Variants in CCDC192 observed in about 807,000 individuals in gnomAD.
CCDC192 encodes coiled-coil domain containing 192.
intron 6 of CCDC192, among the ~76,000 whole-genome samples, chr5:127,927,937 C>CTTTTTTTTTT (rs1271788889): frequency 2.5e-5 from 3 of 117,716 alleles, no homozygotes; most frequent in Admixed American, 9.2e-5. Context: ...TCTTATAGTT[C>CTTTTTTTTTT]TTTTTTTTTT....
chr5:127,932,822 C>G (rs572263499), intron 6 of CCDC192, among the ~76,000 whole-genome samples: 14 of 152,048 alleles, frequency 9.2e-5, no homozygotes, highest in Non-Finnish European at 1.6e-4. Flanking sequence ...AAGATAAAAA[C>G]CAGATCTAGA....
At chr5:127,720,039 G>A (rs2673770) in intron 2 of CCDC192, among the ~76,000 whole-genome samples, 3 of 151,974 alleles carry the variant, frequency 2.0e-5, no homozygotes, top group Non-Finnish European at 2.9e-5. Context: ...CTCCCAAATC[G>A]CACGTCCTTC....
At chr5:127,743,103 A>G (rs1220765239) in intron 2 of CCDC192, among the ~76,000 whole-genome samples, 2 of 152,070 alleles carry the variant, frequency 1.3e-5, no homozygotes, top group African/African-American at 4.8e-5. Flanking sequence ...AGACAGGAGA[A>G]GAGGGGATGA....
At chr5:127,837,881 A>C (rs409546) in intron 5 of CCDC192, among the ~76,000 whole-genome samples, 1 of 152,130 alleles carries the variant, frequency 6.6e-6, no homozygotes, top group African/African-American at 2.4e-5. Context: ...CCAGCTACTC[A>C]GGAGGCTGAG....
At chr5:127,749,994 T>C (rs555147251) in intron 2 of CCDC192, among the ~76,000 whole-genome samples, 1 of 152,012 alleles carries the variant, frequency 6.6e-6, no homozygotes, top group East Asian at 1.9e-4. Context: ...TCTATTTGAT[T>C]CTTCTCTCTT....
At chr5:127,825,046 C>G (rs945628427) in intron 5 of CCDC192, among the ~76,000 whole-genome samples, 3 of 152,234 alleles carry the variant, frequency 2.0e-5, no homozygotes, top group African/African-American at 7.2e-5. Context: ...AACATTTTGA[C>G]CAGATTTTGA....
At chr5:127,877,355 A>T (rs7729769) in intron 6 of CCDC192, among the ~76,000 whole-genome samples, 28 of 32,146 alleles carry the variant, frequency 8.7e-4, no homozygotes, top group African/African-American at 1.5e-3. Flanking sequence ...ATTTTTGTGG[A>T]TTTTTTTTTT....
intron 2 of CCDC192, among the ~76,000 whole-genome samples, chr5:127,713,584 G>A (rs907662361): frequency 2.0e-5 from 3 of 152,044 alleles, no homozygotes; most frequent in Admixed American, 6.6e-5. Context: ...TTATCAATTT[G>A]TATTTTCATG....
Position 127,786,837 on chromosome 5 carries a change from G to A in CCDC192, c.223-10266G>A, listed in dbSNP as rs1307430891. On this transcript the variant is annotated intron_variant, in intron 3 of 6. Coordinates refer to ENST00000514853, the MANE Select transcript of CCDC192 (RefSeq NM_001317938.2). ...TTCAGGTGTCTGCCCCTTTTTTGATGTAGAAACTCTGGCTCCTCATGCTTG... is the reference window on the plus strand; with the variant it reads ...TTCAGGTGTCTGCCCCTTTTTTGATATAGAAACTCTGGCTCCTCATGCTTG... 3 of 525,324 alleles carry A rather than the reference G, an allele frequency of 5.7e-6. No homozygotes were observed. In the East Asian group the frequency reaches 1.0e-4, roughly 18 times the overall value. 32.5% of individuals were successfully genotyped at this position (525,324 alleles called of 1,614,324 possible). A position where few individuals can be genotyped will look rare whatever the true frequency, so the allele number is the denominator to read the frequency against.
At chr5:127,723,452 T>C (rs1458227474) in intron 2 of CCDC192, among the ~76,000 whole-genome samples, 1 of 152,208 alleles carries the variant, frequency 6.6e-6, no homozygotes, top group Non-Finnish European at 1.5e-5. Context: ...CTCTCTATTT[T>C]ATTCTCATCT....
rs370261727 is a variant in CCDC192, at chr5:127,709,078, G to A, written c.114+1318G>A. Among the ~76,000 whole-genome samples the A allele has an allele frequency of 1.4e-4, 21 of 150,340 alleles. No individual in the cohort carries two copies. The South Asian group carries it at 2.3e-3, about 17-fold the overall frequency. The stretch of plus-strand genomic sequence containing the variant: ...AATTAGGCTTTCGGAAAGGGGTGGC[G>A]AGGCATGTCACACAGTGGGAGCAGG... On this transcript the variant is annotated intron_variant, in intron 2 of 6. Coordinates refer to ENST00000514853, the MANE Select transcript of CCDC192 (RefSeq NM_001317938.2).
intron 2 of CCDC192, among the ~76,000 whole-genome samples, chr5:127,745,111 G>A (rs1166949370): frequency 6.6e-6 from 1 of 152,154 alleles, no homozygotes; most frequent in South Asian, 2.1e-4. Context: ...TATTTATCAG[G>A]CTCCTACTTA....
At chr5:127,921,351 C>T (rs1753716497) in intron 6 of CCDC192, among the ~76,000 whole-genome samples, 1 of 152,108 alleles carries the variant, frequency 6.6e-6, no homozygotes, top group South Asian at 2.1e-4. Flanking sequence ...AAATAAACCA[C>T]TCCAACCCAT....
chr5:127,903,234 T>C (rs1213481822), intron 6 of CCDC192, among the ~76,000 whole-genome samples: 1 of 152,056 alleles, frequency 6.6e-6, no homozygotes, highest in East Asian at 1.9e-4. Context: ...TTCATTCTTT[T>C]GGAGGAATTT....
chr5:127,719,372 A>G (rs1751826005), intron 2 of CCDC192, among the ~76,000 whole-genome samples: 1 of 150,604 alleles, frequency 6.6e-6, no homozygotes, highest in African/African-American at 2.4e-5. Context: ...GAGTGCATGT[A>G]TCTCTTCAAT....
intron 5 of CCDC192, among the ~76,000 whole-genome samples, chr5:127,851,570 G>A (rs763956191): frequency 3.3e-5 from 5 of 152,096 alleles, no homozygotes; most frequent in Non-Finnish European, 5.9e-5. Context: ...CGATTCTTCT[G>A]CCTCAGCTTC....
intron 2 of CCDC192, among the ~76,000 whole-genome samples, chr5:127,719,082 C>T (rs1255039791): frequency 6.6e-6 from 1 of 152,082 alleles, no homozygotes; most frequent in Non-Finnish European, 1.5e-5. Context: ...GCCATCCTTC[C>T]ACTTTTTATC....
chr5:127,779,032 T>C (rs752984238), intron 3 of CCDC192, among the ~76,000 whole-genome samples: 1 of 152,156 alleles, frequency 6.6e-6, no homozygotes, highest in Non-Finnish European at 1.5e-5. Context: ...TAGCTAAATA[T>C]TTATCAACTT....
rs1164171062 is a variant in CCDC192 at position 127,841,992 on chromosome 5, T to C, written c.412-33546T>C. Among the ~76,000 whole-genome samples the C allele has an allele frequency of 3.3e-5, 5 of 152,298 alleles. No homozygotes were observed. The South Asian group carries it at 6.2e-4, about 19-fold the overall frequency. Reference sequence around the variant, plus strand: ...AGAAAAGGGAGTGACAGAGGCTGTGTTGACCCAGAGAAGACAGGCTCTGTT... The same window carrying C: ...AGAAAAGGGAGTGACAGAGGCTGTGCTGACCCAGAGAAGACAGGCTCTGTT... On this transcript the variant is annotated intron_variant, in intron 5 of 6. Transcript: ENST00000514853.
Sources: allele counts gnomAD v4.1 joint callset (sites outside exome capture counted in the v4.1 genomes callset), GRCh38; gene constraint gnomAD v4.1.1; transcripts MANE v1.5; gene names NCBI Gene and HGNC (gene_info 2026-07-23, HGNC 2026-07-21).